The following METTL4 variants were observed in gnomAD, a reference collection of about 807,000 sequenced individuals.
The protein encoded by METTL4 is N(6)-adenine-specific methyltransferase METTL4.
METTL4 carries 40 observed loss-of-function variants against 54.0 expected under a neutral mutation model. The ratio of observed to expected loss-of-function variants is 0.74; its 90% CI spans 0.58 to 0.96. The LOEUF is 0.96. METTL4 is among the 50% of genes least tolerant of loss of function. METTL4 has a pLI of 0.00. For synonymous variants in METTL4, 169 were observed against 183.8 expected (o/e 0.92, Z 0.65); for missense variants, 525 against 549.0 (o/e 0.96, Z 0.44).
intron 2 of METTL4, among the ~76,000 whole-genome samples, chr18:2,564,767 T>C (rs373009370): frequency 1.3e-5 from 2 of 152,330 alleles, no homozygotes; most frequent in African/African-American, 4.8e-5. Context: ...ATTTATTACA[T>C]AGGTTCATCT....
intron 8 of METTL4, chr18:2,540,653 T>C (rs2071981067): frequency 1.0e-6 from 1 of 985,304 alleles, no homozygotes; most frequent in Non-Finnish European, 1.2e-6. Flanking sequence ...GTGCATAAAT[T>C]AAATGCTACT....
At chr18:2,544,454 AT>A (rs1232276110) in intron 7 of METTL4, among the ~76,000 whole-genome samples, 168 bp from the exon 8 acceptor site, 2 of 151,934 alleles carry the variant, frequency 1.3e-5, no homozygotes, top group East Asian at 3.8e-4. Flanking sequence ...CTATAATTTC[AT>A]TTTCTATAAT....
At chr18:2,566,222 G>A (rs2072416635) in intron 2 of METTL4, among the ~76,000 whole-genome samples, 1 of 152,014 alleles carries the variant, frequency 6.6e-6, no homozygotes, top group South Asian at 2.1e-4. Flanking sequence ...ATTTGATCCT[G>A]TATGGCATTC....
intron 8 of METTL4, chr18:2,539,913 A>G: frequency 2.1e-6 from 2 of 954,980 alleles, no homozygotes; most frequent in Non-Finnish European, 2.5e-6. Context: ...TAATAAATGA[A>G]GAGCTGGATA....
chr18:2,552,883 A>G (rs1642541136), intron 4 of METTL4, 119 bp from the exon 5 acceptor site: 2 of 650,384 alleles, frequency 3.1e-6, no homozygotes, highest in Non-Finnish European at 2.7e-6. Flanking sequence ...GGAATGCACC[A>G]AAGGGATCTG....
chr18:2,542,618 A>G (rs2072009501), intron 8 of METTL4, among the ~76,000 whole-genome samples: 1 of 152,124 alleles, frequency 6.6e-6, no homozygotes, highest in Non-Finnish European at 1.5e-5. Context: ...GAATACATAT[A>G]CATATATAAT....
chr18:2,565,162 C>G (rs756224302), intron 2 of METTL4, among the ~76,000 whole-genome samples: 4 of 151,970 alleles, frequency 2.6e-5, no homozygotes, highest in Non-Finnish European at 4.4e-5. Flanking sequence ...ACACATAATC[C>G]CAGCTACTCG....
intron 1 of METTL4, among the ~76,000 whole-genome samples, chr18:2,570,156 C>T (rs1878553): frequency 0.24 from 37,195 of 152,096 alleles, 4,844 homozygotes; most frequent in African/African-American, 0.32. Context: ...CACATGTGAT[C>T]ATCCTTCCAT....
chr18:2,565,816 G>A (rs1054813064), intron 2 of METTL4, among the ~76,000 whole-genome samples: 2 of 152,036 alleles, frequency 1.3e-5, no homozygotes, highest in South Asian at 4.1e-4. Context: ...TCAAGCCGAG[G>A]TGGGCAGATC....
intron 8 of METTL4, chr18:2,539,822 C>T (rs1028414718): frequency 2.2e-6 from 2 of 912,502 alleles, no homozygotes; most frequent in African/African-American, 2.2e-5. Flanking sequence ...TGAAAAAGAG[C>T]TCTAAAAAAA....
In METTL4 at chr18:2,555,365, AG is replaced by A. The variant is rs560782538; in HGVS notation, c.460-328del. The A allele has an allele frequency of 8.7e-4, 236 of 270,252 alleles. 4 individuals are homozygous for A. Among genetic ancestry groups the A allele is most frequent in the South Asian group, 8.2e-3 (181 of 22,114 alleles). The allele number at this position is 270,252 out of a possible 1,614,324, so 16.7% of individuals were successfully genotyped here. A position where few individuals can be genotyped will look rare whatever the true frequency, so the allele number is the denominator to read the frequency against. On this transcript the variant is annotated intron_variant, in intron 3 of 8. Transcript: ENST00000574538. ...ATTTCTAATCTATAGGGATTGCATGAGGAAGTATCTGCTCTTCATTCCTTTG... is the reference window on the plus strand; with the variant it reads ...ATTTCTAATCTATAGGGATTGCATGAGAAGTATCTGCTCTTCATTCCTTTG...
At chr18:2,557,696 A>C (rs1256830476) in intron 3 of METTL4, among the ~76,000 whole-genome samples, 1 of 152,224 alleles carries the variant, frequency 6.6e-6, no homozygotes, top group African/African-American at 2.4e-5. Flanking sequence ...CATGCACAGC[A>C]TCTAACTATG....
At chr18:2,539,388 T>C (rs1166805261) in intron 8 of METTL4, among the ~76,000 whole-genome samples, 1 of 152,140 alleles carries the variant, frequency 6.6e-6, no homozygotes, top group South Asian at 2.1e-4. Flanking sequence ...GTTTCATTTG[T>C]AGATGAGAAA....
chr18:2,549,616 A>C (rs2072121870), intron 5 of METTL4, among the ~76,000 whole-genome samples: 1 of 152,110 alleles, frequency 6.6e-6, no homozygotes, highest in African/African-American at 2.4e-5. Flanking sequence ...CTAATGGCCA[A>C]ATGCAACAAA....
At chr18:2,540,034 T>C (rs979271903) in intron 8 of METTL4, 12 of 977,464 alleles carry the variant, frequency 1.2e-5, no homozygotes, top group Non-Finnish European at 4.9e-6. Context: ...GATCCTTCTT[T>C]ACCTAAAATT....
chr18:2,552,651 G>T, intron 5 of METTL4, 44 bp downstream of exon 5: 1 of 1,265,586 alleles, frequency 7.9e-7, no homozygotes. Flanking sequence ...ATGTACAAAG[G>T]ACTACAGTTT....
Position 2,563,784 on chromosome 18 carries a change from AT to A in METTL4, c.459+12del. 6.3e-7 allele frequency: 1 copy of A among 1,580,108 alleles called. No homozygotes were observed. Among genetic ancestry groups the A allele is most frequent in the Non-Finnish European group, 8.6e-7 (1 of 1,159,980 alleles). On this transcript the variant is annotated intron_variant, in intron 3 of 8. Coordinates refer to ENST00000574538, the MANE Select transcript of METTL4 (RefSeq NM_022840.5). ...TAATCTTCCAATGTGATCAATGAAC[AT>A]TTTACACTTACCTTTGTATGGTATT...
intron 5 of METTL4, among the ~76,000 whole-genome samples, chr18:2,551,721 A>C (rs1385312557): frequency 6.6e-6 from 1 of 152,050 alleles, no homozygotes; most frequent in Non-Finnish European, 1.5e-5. Flanking sequence ...AAGAAGAAGA[A>C]AAAGGAAAGA....
intron 8 of METTL4, among the ~76,000 whole-genome samples, chr18:2,541,428 T>G (rs2071991228): frequency 6.6e-6 from 1 of 152,286 alleles, no homozygotes; most frequent in South Asian, 2.1e-4. Context: ...CAAACATCAG[T>G]GCATATAATC....
Sources: allele counts gnomAD v4.1 joint callset (sites outside exome capture counted in the v4.1 genomes callset), GRCh38; gene constraint gnomAD v4.1.1; transcripts MANE v1.5; gene names NCBI Gene and HGNC (gene_info 2026-07-23, HGNC 2026-07-21).